Variants in BBC3 observed in about 807,000 individuals in gnomAD.
The protein encoded by BBC3 is BCL2 binding component 3, also known as bcl-2-binding component 3.
Under a neutral mutation model 18.2 loss-of-function variants are expected in BBC3, and 5 were observed. The ratio of observed to expected loss-of-function variants is 0.27; its 90% confidence interval spans 0.14 to 0.58. The LOEUF (loss-of-function observed/expected upper bound fraction) is 0.58. Ranked by LOEUF, BBC3 falls within the 20% of genes least tolerant of loss-of-function variation. BBC3 has a pLI of 0.91. For synonymous variants in BBC3, 119 were observed against 128.0 expected, an observed-to-expected ratio of 0.93 and a Z score of 0.47; for missense variants, 224 against 268.9, an observed-to-expected ratio of 0.83 and a Z score of 1.17.
chr19:47,226,694 G>C lies in BBC3; in HGVS notation c.335C>G (p.Pro112Arg). 2.0e-6 allele frequency: 3 copies of C among 1,482,124 alleles called. No individual in the cohort carries two copies. The highest frequency in any genetic ancestry group is 2.7e-6 in the Non-Finnish European group (3 of 1,118,824). The allele number at this position is 1,482,124 out of a possible 1,614,324, so 91.8% of individuals were successfully genotyped here. Residue 112 changes from proline (P) to arginine (R), a missense_variant, in exon 3 of 4, where the codon CCG becomes CGG. Transcript: ENST00000439096. Reference protein sequence around the residue: ...QHLESPVPSAPGALAGGPTQA... With the variant: ...QHLESPVPSARGALAGGPTQA... ...GGTGGGACCGCCCGCCAGAGCCCCCGGGGCGCTGGGCACGGGCGACTCCAG... is the reference window on the plus strand; with the variant it reads ...GGTGGGACCGCCCGCCAGAGCCCCCCGGGCGCTGGGCACGGGCGACTCCAG...
Position 47,221,825 on chromosome 19 carries a change from C to G in BBC3, c.559G>C (p.Ala187Pro). 6.2e-7 allele frequency: 1 copy of G among 1,613,614 alleles called. No individual in the cohort carries two copies. Among genetic ancestry groups the G allele is most frequent in the South Asian group, 1.1e-5 (1 of 91,060 alleles). Residue 187 changes from alanine to proline, a missense_variant, in exon 4 of 4, where the codon GCC (alanine) becomes CCC (proline). Coordinates refer to ENST00000439096, the MANE Select transcript of BBC3 (RefSeq NM_014417.5). ...ACCTAATTGGGCTCCATCTCGGGGG[C>G]TCTGTGGCCCCTGGGTAAGGGCAGG... The part of the protein sequence containing the change: ...GLLPLPRGHR[A>P]PEMEPN
In BBC3 at chr19:47,230,360, G is replaced by A. The variant is rs1273829320; in HGVS notation, c.-16+569C>T. On this transcript the variant is annotated intron_variant, in intron 1 of 3. Transcript: ENST00000439096. The surrounding 1 kb of genome is among the most constrained non-coding windows in gnomAD (Gnocchi z 6.7). ...CAGATCCACAACCCCGCACACGCGC[G>A]CTCCCACGGCGGTCCCAGACACCCC... 6.6e-6 allele frequency among the ~76,000 whole-genome samples: 1 copy of A among 151,744 alleles called. No individual in the cohort carries two copies. The highest frequency in any genetic ancestry group is 1.5e-5 in the Non-Finnish European group (1 of 67,834).
rs2058866292 is a variant in BBC3, at chr19:47,228,451, G to A, written c.-15-5C>T. The A allele has an allele frequency of 8.1e-7, 1 of 1,231,840 alleles. No individual in the cohort carries two copies. The highest frequency in any genetic ancestry group is 3.2e-5 in the East Asian group (1 of 31,690). The allele number at this position is 1,231,840 out of a possible 1,614,324, so 76.3% of individuals were successfully genotyped here. A position where few individuals can be genotyped will look rare whatever the true frequency, so the allele number is the denominator to read the frequency against. ...GGCCATGGCGCTCCCTGGGGCCTGC[G>A]GGACACGGGAGGAGGAGCAGGTCAG... is the stretch of plus-strand genomic sequence containing the variant. On this transcript the variant is annotated splice_region_variant and splice_polypyrimidine_tract_variant and intron_variant, in intron 1 of 3. Coordinates refer to ENST00000439096, the MANE Select transcript of BBC3 (RefSeq NM_014417.5). The surrounding 1 kb of genome is among the most constrained non-coding windows in gnomAD (Gnocchi z 5.5).
intron 2 of BBC3, among the ~76,000 whole-genome samples, chr19:47,227,583 G>C (rs532659623): frequency 3.8e-4 from 58 of 152,254 alleles, no homozygotes; most frequent in African/African-American, 1.3e-3. Flanking sequence ...GCAGGGATGG[G>C]GCTCCACGGG....
chr19:47,222,110 CA>C (rs1244219295), intron 3 of BBC3, 192 bp from the exon 4 acceptor site: 29 of 545,022 alleles, frequency 5.3e-5, no homozygotes, highest in African/African-American at 7.8e-5. Flanking sequence ...AGGCAGAGGA[CA>C]AACACGGAAT....
chr19:47,225,880 G>C (rs963789622), intron 3 of BBC3, among the ~76,000 whole-genome samples: 6 of 152,198 alleles, frequency 3.9e-5, no homozygotes, highest in African/African-American at 7.2e-5. Context: ...GATGCAAGGA[G>C]GGGGAAGGGA....
upstream of BBC3, chr19:47,231,341 C>A: frequency 2.6e-6 from 1 of 383,264 alleles, no homozygotes; most frequent in Non-Finnish European, 3.6e-6. This position sits in a 1 kb window ranked among gnomAD's most constrained non-coding sequence, Gnocchi z 4.0. Flanking sequence ...GACTTGCAGG[C>A]GCGCGCCGCG....
chr19:47,232,075 G>A (rs2058920427), upstream of BBC3, among the ~76,000 whole-genome samples: 2 of 152,180 alleles, frequency 1.3e-5, no homozygotes, highest in Non-Finnish European at 2.9e-5. Context: ...ACATTCGCCC[G>A]ACACGGTGGC....
upstream of BBC3, chr19:47,231,270 G>C: frequency 1.1e-6 from 1 of 883,466 alleles, no homozygotes; most frequent in African/African-American, 1.8e-5. This position sits in a 1 kb window ranked among gnomAD's most constrained non-coding sequence, Gnocchi z 4.0. Flanking sequence ...CCGCCCGGCG[G>C]GTCCCACGCC....
upstream of BBC3, chr19:47,231,314 C>A (rs2058912687): frequency 4.8e-6 from 3 of 627,534 alleles, no homozygotes; most frequent in Admixed American, 6.3e-5. This position sits in a 1 kb window ranked among gnomAD's most constrained non-coding sequence, Gnocchi z 4.0. Flanking sequence ...CCCGCCCGCC[C>A]GCCGCGGACA....
At position 47,223,562 on chromosome 19, in the gene BBC3, G is replaced by A. The variant is rs549298299; in HGVS notation, c.466-1644C>T. 2.6e-5 allele frequency among the ~76,000 whole-genome samples: 4 copies of A among 152,072 alleles called. No homozygotes were observed. The East Asian group carries it at 5.8e-4, about 22-fold the overall frequency. The stretch of plus-strand genomic sequence containing the variant: ...AGCCTGGGCAACAGAGCAAGACTCC[G>A]TGTCAAAAAAAAAATTTTTTTTAAG... On this transcript the variant is annotated intron_variant, in intron 3 of 3. Coordinates refer to ENST00000439096, the MANE Select transcript of BBC3 (RefSeq NM_014417.5).
In BBC3 at chr19:47,228,072, T is replaced by C; in HGVS notation, c.274+86A>G. The C allele has an allele frequency of 9.2e-7, 1 of 1,085,044 alleles. No homozygotes were observed. Among genetic ancestry groups the C allele is most frequent in the Non-Finnish European group, 1.2e-6 (1 of 861,584 alleles). The allele number at this position is 1,085,044 out of a possible 1,614,324, so 67.2% of individuals were successfully genotyped here. ...CGGCTGGGCCCGCCACCTCCCCCCG[T>C]CCTCTCCCACTTCTCCAGTTCCTCC... On this transcript the variant is annotated intron_variant, in intron 2 of 3. Coordinates refer to ENST00000439096, the MANE Select transcript of BBC3 (RefSeq NM_014417.5). The surrounding 1 kb of genome is among the most constrained non-coding windows in gnomAD (Gnocchi z 5.5).
chr19:47,230,916 C>T lies in BBC3; in HGVS notation c.-16+13G>A. 1.0e-6 allele frequency: 1 copy of T among 982,258 alleles called. No individual in the cohort carries two copies. Among genetic ancestry groups the T allele is most frequent in the Non-Finnish European group, 1.2e-6 (1 of 827,218 alleles). 60.8% of individuals were successfully genotyped at this position (982,258 alleles called of 1,614,324 possible). A position where few individuals can be genotyped will look rare whatever the true frequency, so the allele number is the denominator to read the frequency against. ...GATCGCCGCCGGAGAGGATTCGGGG[C>T]GCGCACACTCACCCCGGGGGCATGA... On this transcript the variant is annotated intron_variant, in intron 1 of 3. Coordinates refer to ENST00000439096, the MANE Select transcript of BBC3 (RefSeq NM_014417.5). The surrounding 1 kb of genome is among the most constrained non-coding windows in gnomAD (Gnocchi z 6.7).
At chr19:47,226,994 A>T in intron 2 of BBC3, 8 of 357,734 alleles carry the variant, frequency 2.2e-5, no homozygotes, top group Middle Eastern at 4.1e-4. Context: ...TCAGTGTGGA[A>T]GGTAGACGGC....
chr19:47,226,680 C>A lies in BBC3; in HGVS notation c.349G>T (p.Gly117Cys). 6.7e-7 allele frequency: 1 copy of A among 1,500,330 alleles called. No homozygotes were observed. Among genetic ancestry groups the A allele is most frequent in the South Asian group, 1.3e-5 (1 of 79,216 alleles). 92.9% of individuals were successfully genotyped at this position (1,500,330 alleles called of 1,614,324 possible). Residue 117 changes from glycine to cysteine, a missense_variant, in exon 3 of 4, where the codon GGC becomes TGC. Coordinates refer to ENST00000439096, the MANE Select transcript of BBC3 (RefSeq NM_014417.5). ...CCCGGGGCCGCCTGGGTGGGACCGCCCGCCAGAGCCCCCGGGGCGCTGGGC... is the reference window on the plus strand; with the variant it reads ...CCCGGGGCCGCCTGGGTGGGACCGCACGCCAGAGCCCCCGGGGCGCTGGGC... ...PVPSAPGALA[G>C]GPTQAAPGVR...
chr19:47,222,906 C>T (rs979484091), intron 3 of BBC3, among the ~76,000 whole-genome samples: 5 of 138,586 alleles, frequency 3.6e-5, no homozygotes, highest in African/African-American at 5.4e-5. Flanking sequence ...GTGGAGGTTG[C>T]GGTGAGCCGA....
At chr19:47,225,598 C>CCA (rs2123370585) in intron 3 of BBC3, among the ~76,000 whole-genome samples, 1 of 152,068 alleles carries the variant, frequency 6.6e-6, no homozygotes, top group Non-Finnish European at 1.5e-5. Context: ...GCTCAAGCGT[C>CCA]CTTCTATCTC....
Position 47,230,455 on chromosome 19 carries a change from C to T in BBC3, c.-16+474G>A, listed in dbSNP as rs1238133288. Among the ~76,000 whole-genome samples, 1 of 151,078 alleles carries T rather than the reference C, an allele frequency of 6.6e-6. No homozygotes were observed. Among genetic ancestry groups the T allele is most frequent in the Non-Finnish European group, 1.5e-5 (1 of 67,594 alleles). Reference sequence around the variant, plus strand: ...CCCGCCCGCCAGGCGAGCGCGGGGCCAATAACCGGCTGTTGCTGGGGCGCA... The same window carrying T: ...CCCGCCCGCCAGGCGAGCGCGGGGCTAATAACCGGCTGTTGCTGGGGCGCA... On this transcript the variant is annotated intron_variant, in intron 1 of 3. Coordinates refer to ENST00000439096, the MANE Select transcript of BBC3 (RefSeq NM_014417.5). The surrounding 1 kb of genome is among the most constrained non-coding windows in gnomAD (Gnocchi z 6.7).
chr19:47,223,952 AAAC>A (rs1452841774), intron 3 of BBC3, among the ~76,000 whole-genome samples: 1 of 152,168 alleles, frequency 6.6e-6, no homozygotes, highest in Non-Finnish European at 1.5e-5. Context: ...CCTACTCTAG[AAAC>A]ACAAGAGCGC....
Sources: gnomAD v4.1 joint callset for allele counts (sites outside exome capture counted in the v4.1 genomes callset) on GRCh38, gnomAD v4.1.1 for gene constraint, Gnocchi (gnomAD v3.1) non-coding constraint, MANE v1.5 for transcripts, NCBI Gene and HGNC (gene_info 2026-07-23, HGNC 2026-07-21) for gene names.